NF1: variants seen among roughly 807,000 people sequenced by gnomAD.
The protein encoded by NF1 is neurofibromin.
NF1 carries 122 observed loss-of-function variants against 325.7 expected under a neutral mutation model. That is an observed-to-expected ratio of 0.37 (90% CI 0.32 to 0.44). The LOEUF (loss-of-function observed/expected upper bound fraction) is 0.44. Ranked by LOEUF, NF1 falls within the 20% of genes least tolerant of loss-of-function variation. The probability of loss-of-function intolerance (pLI) is 1.00; values close to 1 mark genes in which losing one functional copy is unlikely to be tolerated. For synonymous variants in NF1, 1,091 were observed against 1,186.0 expected, an observed-to-expected ratio of 0.92 and a Z score of 1.65; for missense variants, 2,140 against 3,415.4, an observed-to-expected ratio of 0.63 and a Z score of 9.31.
chr17:31,373,292 G>A (rs1474470832), intron 57 of NF1, among the ~76,000 whole-genome samples: 1 of 152,216 alleles, frequency 6.6e-6, no homozygotes, highest in Non-Finnish European at 1.5e-5. Flanking sequence ...CTGCTGGAGA[G>A]TATATTCTGT....
At chr17:31,324,635 C>T (rs1486836057) in intron 36 of NF1, among the ~76,000 whole-genome samples, 1 of 152,094 alleles carries the variant, frequency 6.6e-6, no homozygotes. Flanking sequence ...AATCTCAGCT[C>T]GCTGCAGCCT....
intron 35 of NF1, among the ~76,000 whole-genome samples, chr17:31,264,740 A>AT (rs1442719947): frequency 6.6e-6 from 1 of 152,228 alleles, no homozygotes; most frequent in Non-Finnish European, 1.5e-5. Context: ...AACATAATAT[A>AT]TGCTAAAGCT....
intron 46 of NF1, among the ~76,000 whole-genome samples, chr17:31,339,726 C>T (rs1392275683): frequency 6.6e-6 from 1 of 152,166 alleles, no homozygotes; most frequent in Non-Finnish European, 1.5e-5. Context: ...TGTATTTTCC[C>T]TAATATCACA....
chr17:31,308,429 C>T (rs554390880), intron 36 of NF1, among the ~76,000 whole-genome samples: 1 of 152,270 alleles, frequency 6.6e-6, no homozygotes, highest in East Asian at 1.9e-4. Context: ...GCATGAGCCA[C>T]CACGCCTGGC....
rs864622468 is a variant in NF1 at position 31,340,653 on chromosome 17, A to G, written c.7062+8A>G. ...CGTATATTCAATGACAAGGTAAGCA[A>G]ACTTTGCCTTGAGGTTCCTAGATTA... On this transcript the variant is annotated splice_region_variant and intron_variant, in intron 47 of 57. Transcript: ENST00000358273. The G allele has an allele frequency of 3.7e-6, 6 of 1,613,912 alleles. No individual in the cohort carries two copies. The highest frequency in any genetic ancestry group is 5.1e-6 in the Non-Finnish European group (6 of 1,179,932).
intron 1 of NF1, among the ~76,000 whole-genome samples, chr17:31,100,225 A>C (rs1231698965): frequency 6.6e-6 from 1 of 152,208 alleles, no homozygotes; most frequent in East Asian, 1.9e-4. Context: ...GTTCATCTGA[A>C]TGTACGTTGA....
At chr17:31,121,079 C>T (rs11870097) in intron 1 of NF1, among the ~76,000 whole-genome samples, 81,572 of 152,060 alleles carry the variant, frequency 0.54, 25,748 homozygotes, top group Middle Eastern at 0.76. Flanking sequence ...TATTTGAAAG[C>T]GTAATTCAAT....
chr17:31,158,890 A>T (rs2065713744), intron 2 of NF1, 120 bp from the exon 3 acceptor site: 1 of 664,828 alleles, frequency 1.5e-6, no homozygotes, highest in Non-Finnish European at 2.8e-6. Context: ...AGTATAGTAT[A>T]ATCTGGGAGG....
chr17:31,154,890 G>A (rs1032794001), intron 1 of NF1, among the ~76,000 whole-genome samples: 1 of 151,660 alleles, frequency 6.6e-6, no homozygotes, highest in African/African-American at 2.4e-5. Context: ...CAGGCACGTG[G>A]CACTACACCC....
chr17:31,122,612 T>C (rs1435390056), intron 1 of NF1, among the ~76,000 whole-genome samples: 1 of 152,254 alleles, frequency 6.6e-6, no homozygotes, highest in Non-Finnish European at 1.5e-5. Context: ...CTTTGTCTTC[T>C]TTAGTTGTGT....
At chr17:31,296,248 G>C in intron 36 of NF1, 1 of 1,614,110 alleles carries the variant, frequency 6.2e-7, no homozygotes, top group Non-Finnish European at 8.5e-7. Context: ...ATATACATTG[G>C]AGAGGACAAA....
At chr17:31,185,815 C>T (rs2066228061) in intron 8 of NF1, among the ~76,000 whole-genome samples, 1 of 152,190 alleles carries the variant, frequency 6.6e-6, no homozygotes, top group Non-Finnish European at 1.5e-5. Context: ...CCAACAGATC[C>T]AATGGTGCTT....
At chr17:31,165,099 C>CT (rs1234065623) in intron 4 of NF1, among the ~76,000 whole-genome samples, 8 of 152,198 alleles carry the variant, frequency 5.3e-5, no homozygotes, top group Non-Finnish European at 1.0e-4. Context: ...GTCTTGTAGT[C>CT]TATCAATGCA....
intron 36 of NF1, among the ~76,000 whole-genome samples, chr17:31,270,173 A>G (rs1242322467): frequency 2.0e-5 from 3 of 152,222 alleles, no homozygotes; most frequent in Non-Finnish European, 4.4e-5. Context: ...ATGAAAGTAT[A>G]CATATTAACT....
At chr17:31,296,990 G>C (rs1239263101) in intron 36 of NF1, 1 of 152,210 alleles carries the variant, frequency 6.6e-6, no homozygotes, top group Non-Finnish European at 1.5e-5. Context: ...TATATTTACA[G>C]AGTGACTGAA....
At chr17:31,110,792 A>C (rs1913332009) in intron 1 of NF1, among the ~76,000 whole-genome samples, 3 of 152,156 alleles carry the variant, frequency 2.0e-5, no homozygotes, top group African/African-American at 7.2e-5. Flanking sequence ...GGAATCAAAA[A>C]CACAACGTTG....
At position 31,294,856 on chromosome 17, in the gene NF1, A is replaced by G. The variant is rs2068426993; in HGVS notation, c.4835+29517A>G. 2.7e-5 allele frequency: 26 copies of G among 960,618 alleles called. 1 individual carries two copies. In the South Asian group the frequency reaches 3.7e-4, roughly 14 times the overall value. 59.5% of individuals were successfully genotyped at this position (960,618 alleles called of 1,614,324 possible). A position where few individuals can be genotyped will look rare whatever the true frequency, so the allele number is the denominator to read the frequency against. On this transcript the variant is annotated intron_variant, in intron 36 of 57. Coordinates refer to ENST00000358273, the MANE Select transcript of NF1 (RefSeq NM_001042492.3). ...ACATTGTGCATTTCTTTTATTTAAG[A>G]CAAGTTACTTCATTTACATCAGAGT...
chr17:31,120,899 C>T (rs1257344933), intron 1 of NF1, among the ~76,000 whole-genome samples: 1 of 151,974 alleles, frequency 6.6e-6, no homozygotes, highest in Non-Finnish European at 1.5e-5. Flanking sequence ...TTAAAGAAAG[C>T]AACAATTCCC....
rs115272987 is a variant in NF1 at position 31,270,776 on chromosome 17, A to G, written c.4835+5437A>G. On this transcript the variant is annotated intron_variant, in intron 36 of 57. Transcript: ENST00000358273. The stretch of plus-strand genomic sequence containing the variant: ...TTCTCTGCATCAGGAAACTGTGCAT[A>G]TTACATAATTTCTCATTTAATCTAC... 2.1e-3 allele frequency among the ~76,000 whole-genome samples: 320 copies of G among 152,334 alleles called. 1 individual carries two copies. Among genetic ancestry groups the G allele is most frequent in the African/African-American group, 7.2e-3 (301 of 41,574 alleles).
Sources: allele counts gnomAD v4.1 joint callset (sites outside exome capture counted in the v4.1 genomes callset), GRCh38; gene constraint gnomAD v4.1.1; transcripts MANE v1.5; gene names NCBI Gene and HGNC (gene_info 2026-07-23, HGNC 2026-07-21).